The following SAMD3 variants were observed in gnomAD, a reference collection of about 807,000 sequenced individuals.
The protein encoded by SAMD3 is sterile alpha motif domain containing 3, also known as sterile alpha motif domain-containing protein 3.
A neutral mutation model predicts 58.5 loss-of-function variants in SAMD3; 63 were observed. That is an observed-to-expected ratio of 1.08 (90% confidence interval 0.88 to 1.33). SAMD3 has a LOEUF of 1.33. Among genes scored for constraint, SAMD3 ranks in the 40% most tolerant of loss-of-function variants. The probability of loss-of-function intolerance (pLI) is 0.00; values close to 1 mark genes in which losing one functional copy is unlikely to be tolerated. For synonymous variants in SAMD3, 220 were observed against 210.3 expected (o/e 1.05, Z -0.40); for missense variants, 604 against 608.4 (o/e 0.99, Z 0.08).
intron 9 of SAMD3, among the ~76,000 whole-genome samples, chr6:130,149,292 T>C (rs938562916): frequency 1.3e-4 from 20 of 152,250 alleles, no homozygotes; most frequent in Admixed American, 3.3e-4. Flanking sequence ...GTAAATTAGT[T>C]CAGCCACTGT....
chr6:130,144,844 T>C (rs1190220732), intron 11 of SAMD3, 40 bp from the exon 12 acceptor site: 10 of 1,536,308 alleles, frequency 6.5e-6, no homozygotes, highest in Non-Finnish European at 8.0e-6. Flanking sequence ...ATACGTAAAA[T>C]AGCTAAATAA....
At chr6:130,327,503 T>C (rs1191479050) in intron 1 of SAMD3, among the ~76,000 whole-genome samples, 1 of 152,190 alleles carries the variant, frequency 6.6e-6, no homozygotes, top group African/African-American at 2.4e-5. Context: ...TCTAAATTAA[T>C]GGATGATAAA....
chr6:130,281,008 C>A (rs1305154131), intron 2 of SAMD3, among the ~76,000 whole-genome samples: 2 of 152,042 alleles, frequency 1.3e-5, no homozygotes, highest in Non-Finnish European at 2.9e-5. Flanking sequence ...CACATATGTG[C>A]CTATAATAAA....
intron 9 of SAMD3, among the ~76,000 whole-genome samples, chr6:130,149,009 A>C (rs1435135449): frequency 6.6e-6 from 1 of 152,244 alleles, no homozygotes; most frequent in Non-Finnish European, 1.5e-5. Flanking sequence ...ATCCAGAAAC[A>C]CCAATAACTA....
chr6:130,351,560 T>G (rs1401246818), intron 1 of SAMD3, among the ~76,000 whole-genome samples: 1 of 152,124 alleles, frequency 6.6e-6, no homozygotes, highest in East Asian at 1.9e-4. Context: ...TGGTGATCAT[T>G]AAAAAGTCAG....
rs75980976 is a variant in SAMD3, at chr6:130,314,888, G to A, written c.-303-1795C>T. 8.8e-3 allele frequency among the ~76,000 whole-genome samples: 1,340 copies of A among 152,252 alleles called. 21 individuals carry two copies. Among genetic ancestry groups the A allele is most frequent in the African/African-American group, 0.03 (1,261 of 41,546 alleles). On this transcript the variant is annotated intron_variant, in intron 1 of 13. Transcript: ENST00000368134. ...ATGCAATTTTGAAAAATGCCCTCCAGCTGCTTCTAGGAATAAGCAGTGCTT... is the reference window on the plus strand; with the variant it reads ...ATGCAATTTTGAAAAATGCCCTCCAACTGCTTCTAGGAATAAGCAGTGCTT...
intron 8 of SAMD3, 57 bp downstream of exon 8, chr6:130,175,784 C>A: frequency 1.9e-6 from 2 of 1,075,790 alleles, no homozygotes; most frequent in South Asian, 1.5e-5. Context: ...ATTTATTATC[C>A]CTTAATCAAT....
intron 5 of SAMD3, among the ~76,000 whole-genome samples, chr6:130,194,970 C>T (rs1185955153): frequency 6.6e-6 from 1 of 152,272 alleles, no homozygotes; most frequent in Admixed American, 6.5e-5. Flanking sequence ...CCCTTGCCTC[C>T]ATAACTGTTG....
chr6:130,221,030 GT>G (rs1162701844), intron 1 of SAMD3, among the ~76,000 whole-genome samples: 1 of 151,680 alleles, frequency 6.6e-6, no homozygotes, highest in Non-Finnish European at 1.5e-5. Context: ...ATTTTTTTGT[GT>G]TTTTAGTAGA....
intron 2 of SAMD3, among the ~76,000 whole-genome samples, chr6:130,263,907 C>G (rs1774236242): frequency 6.6e-6 from 1 of 152,138 alleles, no homozygotes; most frequent in Non-Finnish European, 1.5e-5. Flanking sequence ...CTGTGGACCA[C>G]TAAAGAGCAA....
At chr6:130,318,236 A>C (rs1776453647) in intron 1 of SAMD3, among the ~76,000 whole-genome samples, 1 of 152,092 alleles carries the variant, frequency 6.6e-6, no homozygotes, top group South Asian at 2.1e-4. Context: ...AGTACAGCTA[A>C]AGTCAGGCCT....
chr6:130,157,073 AAATAAATAAAT>A (rs989066546), intron 8 of SAMD3, among the ~76,000 whole-genome samples: 2 of 6,886 alleles, frequency 2.9e-4, no homozygotes, highest in African/African-American at 2.7e-3. Context: ...CCGTCTCAAA[AAATAAATAAAT>A]AAATAAATAA....
chr6:130,177,775 T>A (rs915945652), intron 7 of SAMD3, among the ~76,000 whole-genome samples: 1 of 152,164 alleles, frequency 6.6e-6, no homozygotes, highest in African/African-American at 2.4e-5. Flanking sequence ...TATAAGCACA[T>A]AAAGAAAGGC....
chr6:130,354,165 A>G (rs565787810), intron 1 of SAMD3, among the ~76,000 whole-genome samples: 3 of 152,120 alleles, frequency 2.0e-5, no homozygotes, highest in Admixed American at 6.5e-5. Flanking sequence ...TTAAAAAGTC[A>G]AAAAAATAAC....
At chr6:130,324,429 T>A (rs1776689180) in intron 1 of SAMD3, among the ~76,000 whole-genome samples, 1 of 152,260 alleles carries the variant, frequency 6.6e-6, no homozygotes, top group South Asian at 2.1e-4. Flanking sequence ...ACAGTCTATA[T>A]TTTTCATATG....
Position 130,234,288 on chromosome 6 carries a change from T to A in SAMD3, c.-187-11475A>T, listed in dbSNP as rs1043592232. 2.0e-5 allele frequency among the ~76,000 whole-genome samples: 3 copies of A among 152,262 alleles called. No homozygotes were observed. In the East Asian group the frequency reaches 5.8e-4, roughly 29 times the overall value. The stretch of plus-strand genomic sequence containing the variant: ...TTATTTATTTGAAACGGTGTTTCAC[T>A]CTTGTTGCCCAAGCTGGAGTGCAAT... On this transcript the variant is annotated intron_variant, in intron 2 of 13. Transcript: ENST00000368134.
chr6:130,247,334 G>A (rs1463282679), intron 2 of SAMD3, among the ~76,000 whole-genome samples: 1 of 152,038 alleles, frequency 6.6e-6, no homozygotes, highest in Non-Finnish European at 1.5e-5. Context: ...GCGAAGTATG[G>A]TGCACACCTG....
chr6:130,224,477 A>G (rs1158162734), upstream of SAMD3, among the ~76,000 whole-genome samples: 1 of 152,022 alleles, frequency 6.6e-6, no homozygotes, highest in East Asian at 1.9e-4. Flanking sequence ...ACAAAAAGGC[A>G]TAGGACCCTG....
chr6:130,224,909 C>T (rs949492951), upstream of SAMD3, among the ~76,000 whole-genome samples: 1 of 152,064 alleles, frequency 6.6e-6, no homozygotes, highest in Non-Finnish European at 1.5e-5. Context: ...TGAGTCACCA[C>T]GCCCAGCCCG....
Sources: allele counts gnomAD v4.1 joint callset (sites outside exome capture counted in the v4.1 genomes callset), GRCh38; gene constraint gnomAD v4.1.1; transcripts MANE v1.5; gene names NCBI Gene and HGNC (gene_info 2026-07-23, HGNC 2026-07-21).